TBX5: variants seen among roughly 807,000 people sequenced by gnomAD.
The protein encoded by TBX5 is T-box transcription factor 5.
TBX5 carries 8 observed loss-of-function variants against 51.1 expected under a neutral mutation model. The observed-to-expected ratio is 0.16, with a 90% confidence interval of 0.09 to 0.28. The LOEUF (loss-of-function observed/expected upper bound fraction) is 0.28, where lower values mean the gene tolerates loss of function less well. TBX5 is among the 10% of genes least tolerant of loss of function. The probability of loss-of-function intolerance (pLI) is 1.00; values close to 1 mark genes in which losing one functional copy is unlikely to be tolerated. For missense variants in TBX5, 589 were observed against 671.7 expected (o/e 0.88, Z 1.36); for synonymous variants, 302 against 266.4 (o/e 1.13, Z -1.30).
chr12:114,399,162 G>A (rs1031767590), intron 4 of TBX5, among the ~76,000 whole-genome samples: 1 of 152,168 alleles, frequency 6.6e-6, no homozygotes, highest in African/African-American at 2.4e-5. Context: ...CATGTTCAAA[G>A]CAGGTAACTC....
At chr12:114,371,310 C>T (rs1331252222) in intron 7 of TBX5, among the ~76,000 whole-genome samples, 1 of 152,216 alleles carries the variant, frequency 6.6e-6, no homozygotes, top group African/African-American at 2.4e-5. Context: ...AGTACCTCAG[C>T]TGGCCTTGGG....
intron 6 of TBX5, among the ~76,000 whole-genome samples, chr12:114,392,045 T>C (rs578138690): frequency 6.6e-5 from 10 of 151,866 alleles, no homozygotes; most frequent in African/African-American, 1.9e-4. Context: ...ACTCAATCAA[T>C]ACAGAAAAAA....
At chr12:114,392,950 T>G (rs1341343220) in intron 6 of TBX5, among the ~76,000 whole-genome samples, 1 of 152,180 alleles carries the variant, frequency 6.6e-6, no homozygotes, top group East Asian at 1.9e-4. Context: ...GAATGAGTTT[T>G]CTTTCCGAGG....
rs1593835286 is a variant in TBX5 at position 114,355,276 on chromosome 12, T to C, written c.*256A>G. On this transcript the variant is annotated 3_prime_UTR_variant, in exon 9 of 9. Coordinates refer to ENST00000405440, the MANE Select transcript of TBX5 (RefSeq NM_181486.4). The stretch of plus-strand genomic sequence containing the variant: ...GGCTGGTTGATGGGTGTGGTGGTAG[T>C]GGGGGGTGGGACTCATCTTTTTGTG... 2 of 526,806 alleles carry C rather than the reference T, an allele frequency of 3.8e-6. No individual in the cohort carries two copies. The highest frequency in any genetic ancestry group is 1.9e-5 in the African/African-American group (1 of 52,782). The allele number at this position is 526,806 out of a possible 1,614,324, so 32.6% of individuals were successfully genotyped here. A position where few individuals can be genotyped will look rare whatever the true frequency, so the allele number is the denominator to read the frequency against.
intron 3 of TBX5, among the ~76,000 whole-genome samples, chr12:114,401,408 ATAAAG>A (rs1871804230): frequency 1.3e-5 from 2 of 152,194 alleles, no homozygotes; most frequent in African/African-American, 4.8e-5. Flanking sequence ...TGGAGTAAAG[ATAAAG>A]TCCAAGATCC....
At chr12:114,380,850 T>TA (rs5801052) in intron 7 of TBX5, among the ~76,000 whole-genome samples, 39,995 of 150,454 alleles carry the variant, frequency 0.27, 5,471 homozygotes, top group South Asian at 0.36. Flanking sequence ...TAGTTTTTAT[T>TA]AAAAAAAAAA....
At chr12:114,402,386 C>T (rs1871887734) in intron 2 of TBX5, among the ~76,000 whole-genome samples, 1 of 152,088 alleles carries the variant, frequency 6.6e-6, no homozygotes, top group Admixed American at 6.5e-5. Flanking sequence ...TCTAGAAAAC[C>T]ACTCAGAATA....
At chr12:114,403,458 C>G (rs1421721033) in intron 2 of TBX5, among the ~76,000 whole-genome samples, 1 of 152,192 alleles carries the variant, frequency 6.6e-6, no homozygotes, top group African/African-American at 2.4e-5. Context: ...TGACCCCAAA[C>G]GGCCGGATAA....
intron 7 of TBX5, among the ~76,000 whole-genome samples, chr12:114,379,310 A>T (rs569538018): frequency 6.6e-6 from 1 of 152,174 alleles, no homozygotes; most frequent in Non-Finnish European, 1.5e-5. Flanking sequence ...CATTTATGGG[A>T]CATTACTGGG....
intron 5 of TBX5, among the ~76,000 whole-genome samples, chr12:114,396,225 G>A (rs975649815): frequency 1.8e-4 from 27 of 151,892 alleles, no homozygotes; most frequent in African/African-American, 6.0e-4. Flanking sequence ...TCTAATCTCC[G>A]GCCGCCGTGG....
chr12:114,401,712 T>C (rs1871822555), intron 3 of TBX5, 114 bp downstream of exon 3: 2 of 911,146 alleles, frequency 2.2e-6, no homozygotes, highest in African/African-American at 1.6e-5. Flanking sequence ...TCTTTCTCTA[T>C]ATTCCCTCTC....
chr12:114,384,050 C>T (rs1156728380), intron 7 of TBX5, among the ~76,000 whole-genome samples: 2 of 152,160 alleles, frequency 1.3e-5, no homozygotes, highest in Non-Finnish European at 2.9e-5. Context: ...TATTTGTTGT[C>T]ATCTTTTCCA....
chr12:114,396,634 G>A (rs931143786), intron 5 of TBX5, among the ~76,000 whole-genome samples: 21 of 152,140 alleles, frequency 1.4e-4, no homozygotes, highest in Admixed American at 1.4e-3. Flanking sequence ...CAGAGAAAAA[G>A]CTAGGAGCTG....
intron 5 of TBX5, among the ~76,000 whole-genome samples, chr12:114,396,238 C>T (rs868720456): frequency 3.5e-4 from 53 of 151,854 alleles, no homozygotes; most frequent in South Asian, 4.2e-4. Flanking sequence ...CGCCGTGGCC[C>T]GGCCGCCTCC....
At chr12:114,372,493 T>G (rs1475350011) in intron 7 of TBX5, among the ~76,000 whole-genome samples, 1 of 150,184 alleles carries the variant, frequency 6.7e-6, no homozygotes, top group African/African-American at 2.4e-5. Context: ...TTTTTTTTTT[T>G]AGAGATGGGG....
At chr12:114,373,430 A>G (rs968757614) in intron 7 of TBX5, among the ~76,000 whole-genome samples, 3 of 152,198 alleles carry the variant, frequency 2.0e-5, no homozygotes, top group Non-Finnish European at 2.9e-5. Flanking sequence ...AAAACTACAG[A>G]CATAAAAGGA....
At chr12:114,394,006 G>A (rs563469300) in intron 6 of TBX5, among the ~76,000 whole-genome samples, 3 of 152,322 alleles carry the variant, frequency 2.0e-5, no homozygotes, top group Admixed American at 2.0e-4. Flanking sequence ...CACCTGTGCT[G>A]TTGCCAGTTG....
rs903738615 is a variant in TBX5 at position 114,406,076 on chromosome 12, C to T, written c.-487G>A. The stretch of plus-strand genomic sequence containing the variant: ...TCTCACTCTCTCTCCCTCTCTCTCT[C>T]TCTCTGAAATACAAGCCAACTCAGC... On this transcript the variant is annotated 5_prime_UTR_variant, in exon 1 of 9. Coordinates refer to ENST00000405440, the MANE Select transcript of TBX5 (RefSeq NM_181486.4). 1.1e-5 allele frequency: 11 copies of T among 975,386 alleles called. No homozygotes were observed. The highest frequency in any genetic ancestry group is 1.3e-5 in the Non-Finnish European group (11 of 820,988). 60.4% of individuals were successfully genotyped at this position (975,386 alleles called of 1,614,324 possible).
intron 6 of TBX5, among the ~76,000 whole-genome samples, chr12:114,393,396 C>G (rs1317212042): frequency 6.6e-6 from 1 of 152,168 alleles, no homozygotes. Context: ...ATACTCCTAA[C>G]AGTCTACAAC....
Sources: allele counts gnomAD v4.1 joint callset (sites outside exome capture counted in the v4.1 genomes callset), GRCh38; gene constraint gnomAD v4.1.1; transcripts MANE v1.5; gene names NCBI Gene and HGNC (gene_info 2026-07-23, HGNC 2026-07-21).